EP300: variants seen among roughly 807,000 people sequenced by gnomAD.
The protein encoded by EP300 is EP300 lysine acetyltransferase.
In EP300, 31 loss-of-function variants were observed where a neutral mutation model predicts 264.0. The ratio of observed to expected loss-of-function variants is 0.12; its 90% CI spans 0.09 to 0.16. The LOEUF is 0.16. Among genes scored for constraint, EP300 ranks in the 10% least tolerant of loss-of-function variants. EP300 has a pLI of 1.00. For synonymous variants in EP300, 1,340 were observed against 1,045.4 expected, an observed-to-expected ratio of 1.28 and a Z score of -5.44; for missense variants, 2,766 against 3,052.9, an observed-to-expected ratio of 0.91 and a Z score of 2.21.
At position 41,179,552 on chromosome 22, in the gene EP300, CCTTT is replaced by C. The variant is rs1239637079; in HGVS notation, c.*600_*603del. Reference sequence around the variant, plus strand: ...AATGTTTAAAAAAAAAAAAAAACTGCCTTTCTTCCCCTCAAGTCAACTTTTGTGC... The same window carrying C: ...AATGTTTAAAAAAAAAAAAAAACTGCCTTCCCCTCAAGTCAACTTTTGTGC... On this transcript the variant is annotated 3_prime_UTR_variant, in exon 31 of 31. Coordinates refer to ENST00000263253, the MANE Select transcript of EP300 (RefSeq NM_001429.4). 1.0e-5 allele frequency: 2 copies of C among 192,748 alleles called. No individual in the cohort carries two copies. The highest frequency in any genetic ancestry group is 2.1e-5 in the Non-Finnish European group (2 of 94,734). 11.9% of individuals were successfully genotyped at this position (192,748 alleles called of 1,614,324 possible).
At chr22:41,138,404 TC>T (rs1309339048) in intron 8 of EP300, among the ~76,000 whole-genome samples, 2 of 152,140 alleles carry the variant, frequency 1.3e-5, no homozygotes, top group Non-Finnish European at 2.9e-5. Context: ...CATCAAGTGA[TC>T]CGCCTGCCTC....
rs1209066497 is a variant in EP300, at chr22:41,167,606, A to G, written c.3875-843A>G. ...TGTGTATATATATATATATATATAT[A>G]TATATATATATATATATATATATAT... On this transcript the variant is annotated intron_variant, in intron 23 of 30. Coordinates refer to ENST00000263253, the MANE Select transcript of EP300 (RefSeq NM_001429.4). 4.6e-3 allele frequency among the ~76,000 whole-genome samples: 154 copies of G among 33,582 alleles called. 4 individuals carry two copies. The highest frequency in any genetic ancestry group is 9.0e-3 in the East Asian group (3 of 332). 22.0% of individuals were successfully genotyped at this position (33,582 alleles called of 152,430 possible).
chr22:41,107,413 C>T lies in EP300; in HGVS notation c.95-9774C>T, dbSNP rs2058763714. 3.0e-5 allele frequency among the ~76,000 whole-genome samples: 3 copies of T among 100,194 alleles called. No individual in the cohort carries two copies. The South Asian group carries it at 1.2e-3, about 39-fold the overall frequency. 65.7% of individuals were successfully genotyped at this position (100,194 alleles called of 152,430 possible). Reference sequence around the variant, plus strand: ...TGTGTTTACTCAAATAATATGTGAGCCTTTTAAGTAAAAAAAAAAAAAAGT... The same window carrying T: ...TGTGTTTACTCAAATAATATGTGAGTCTTTTAAGTAAAAAAAAAAAAAAGT... On this transcript the variant is annotated intron_variant, in intron 1 of 30. Coordinates refer to ENST00000263253, the MANE Select transcript of EP300 (RefSeq NM_001429.4).
intron 17 of EP300, 130 bp from the exon 18 acceptor site, chr22:41,157,039 C>T: frequency 9.2e-7 from 1 of 1,085,620 alleles, no homozygotes; most frequent in Non-Finnish European, 1.4e-6. Flanking sequence ...CATCAGTCAC[C>T]TCTTGGGGAA....
intron 29 of EP300, among the ~76,000 whole-genome samples, chr22:41,174,226 T>C (rs2059187306): frequency 6.6e-6 from 1 of 151,470 alleles, no homozygotes; most frequent in East Asian, 1.9e-4. Flanking sequence ...AGGTCAGGAG[T>C]TGGAGACCAG....
chr22:41,104,078 TTTTTG>T (rs1412082358), intron 1 of EP300, among the ~76,000 whole-genome samples: 15 of 152,168 alleles, frequency 9.9e-5, no homozygotes, highest in East Asian at 1.9e-4. Flanking sequence ...TTTGTTGTTG[TTTTTG>T]TTTTGTTTTG....
At chr22:41,093,262 C>A (rs2058684030) in intron 1 of EP300, among the ~76,000 whole-genome samples, 164 bp downstream of exon 1, 1 of 152,140 alleles carries the variant, frequency 6.6e-6, no homozygotes, top group Admixed American at 6.5e-5. Flanking sequence ...AGTAGCCCAA[C>A]CATTTTCTTT....
chr22:41,165,691 G>A (rs142614268), intron 22 of EP300, among the ~76,000 whole-genome samples: 97 of 152,234 alleles, frequency 6.4e-4, no homozygotes, highest in African/African-American at 2.3e-3. Flanking sequence ...CCGAAGTGCT[G>A]GGATTACAGC....
At chr22:41,122,923 C>A (rs1041213746) in intron 2 of EP300, among the ~76,000 whole-genome samples, 1 of 152,086 alleles carries the variant, frequency 6.6e-6, no homozygotes, top group Non-Finnish European at 1.5e-5. Flanking sequence ...GTAGTCCCAT[C>A]TGCTTGGGAG....
chr22:41,156,645 A>G (rs1298036224), intron 17 of EP300, among the ~76,000 whole-genome samples: 1 of 151,998 alleles, frequency 6.6e-6, no homozygotes, highest in Non-Finnish European at 1.5e-5. Flanking sequence ...AGTTTGAACG[A>G]CCCTGGGAGG....
Position 41,092,833 on chromosome 22 carries a change from C to A in EP300, c.-172C>A. 1 of 746,538 alleles carries A rather than the reference C, an allele frequency of 1.3e-6. No individual in the cohort carries two copies. 46.2% of individuals were successfully genotyped at this position (746,538 alleles called of 1,614,324 possible). Reference sequence around the variant, plus strand: ...CTTACCTTTTCTATCGAGTCCGCATCCCTCTCCAGCCACTGCGACCCGGCG... The same window carrying A: ...CTTACCTTTTCTATCGAGTCCGCATACCTCTCCAGCCACTGCGACCCGGCG... On this transcript the variant is annotated 5_prime_UTR_variant, in exon 1 of 31. Transcript: ENST00000263253.
At chr22:41,109,679 T>C (rs1240679635) in intron 1 of EP300, among the ~76,000 whole-genome samples, 1 of 152,142 alleles carries the variant, frequency 6.6e-6, no homozygotes, top group Non-Finnish European at 1.5e-5. Flanking sequence ...ACTTTGCTGT[T>C]ATGCAGAGAT....
At chr22:41,136,181 A>G (rs1324719599) in intron 7 of EP300, among the ~76,000 whole-genome samples, 2 of 152,286 alleles carry the variant, frequency 1.3e-5, no homozygotes, top group African/African-American at 2.4e-5. Flanking sequence ...ACACACCACC[A>G]TGCCCAGCTA....
chr22:41,158,765 A>G (rs531860584), intron 19 of EP300: 82 of 459,726 alleles, frequency 1.8e-4, no homozygotes, highest in African/African-American at 1.5e-3. Flanking sequence ...AGATGGGTCT[A>G]TATCCCAGGC....
intron 17 of EP300, among the ~76,000 whole-genome samples, chr22:41,156,200 A>G (rs919067311): frequency 1.3e-4 from 20 of 151,974 alleles, no homozygotes; most frequent in Admixed American, 1.3e-3. Flanking sequence ...TTTAGTAGAG[A>G]TGGGGTTTCT....
intron 6 of EP300, 45 bp from the exon 7 acceptor site, chr22:41,135,768 G>C: frequency 1.5e-6 from 2 of 1,345,678 alleles, no homozygotes; most frequent in Non-Finnish European, 2.1e-6. Flanking sequence ...TTGTATGGTG[G>C]CTGTTGTATT....
intron 10 of EP300, among the ~76,000 whole-genome samples, chr22:41,143,950 A>G (rs1490940402): frequency 2.6e-5 from 4 of 152,322 alleles, no homozygotes; most frequent in Non-Finnish European, 4.4e-5. Context: ...TGGCAGGACT[A>G]TGTGTATTGG....
intron 13 of EP300, 22 bp from the exon 14 acceptor site, chr22:41,149,739 G>A (rs1330257614): frequency 2.5e-6 from 4 of 1,612,608 alleles, no homozygotes; most frequent in Non-Finnish European, 3.4e-6. Flanking sequence ...TTGCTGTCTT[G>A]TTATGTTTTT....
chr22:41,156,293 G>A (rs536944623), intron 17 of EP300, among the ~76,000 whole-genome samples: 4 of 152,146 alleles, frequency 2.6e-5, no homozygotes, highest in African/African-American at 4.8e-5. Flanking sequence ...GATTACAGGC[G>A]TGAGCCACCG....
Sources: gnomAD v4.1 joint callset for allele counts (sites outside exome capture counted in the v4.1 genomes callset) on GRCh38, gnomAD v4.1.1 for gene constraint, MANE v1.5 for transcripts, NCBI Gene and HGNC (gene_info 2026-07-23, HGNC 2026-07-21) for gene names.